ADAMTSL1: variants seen among roughly 807,000 people sequenced by gnomAD.
ADAMTSL1 encodes ADAMTS-like protein 1.
In ADAMTSL1, 126 loss-of-function variants were observed where a neutral mutation model predicts 201.8. The observed-to-expected ratio is 0.62, with a 90% CI of 0.54 to 0.72. The LOEUF (loss-of-function observed/expected upper bound fraction) is 0.72. Ranked by LOEUF, ADAMTSL1 falls within the 30% of genes least tolerant of loss-of-function variation. The pLI is 0.00. For missense variants in ADAMTSL1, 2,679 were observed against 2,277.8 expected (o/e 1.18, Z -3.59); for synonymous variants, 1,121 against 903.4 (o/e 1.24, Z -4.32).
chr9:18,227,065 C>T (rs772781259), intron 2 of ADAMTSL1, among the ~76,000 whole-genome samples: 24 of 152,224 alleles, frequency 1.6e-4, no homozygotes, highest in Middle Eastern at 3.4e-3. Flanking sequence ...ATTTTCATTA[C>T]TGTTATTCTT....
At chr9:18,315,858 G>T (rs375665918) in intron 2 of ADAMTSL1, among the ~76,000 whole-genome samples, 1 of 152,188 alleles carries the variant, frequency 6.6e-6, no homozygotes, top group East Asian at 1.9e-4. Flanking sequence ...GAGCGAGCGA[G>T]GGCTGCTAGC....
At chr9:18,877,336 GTTCC>G (rs1352008104) in intron 23 of ADAMTSL1, among the ~76,000 whole-genome samples, 1 of 152,124 alleles carries the variant, frequency 6.6e-6, no homozygotes, top group Non-Finnish European at 1.5e-5. Context: ...TGTTTTTCTG[GTTCC>G]TTTTCATTTG....
intron 2 of ADAMTSL1, among the ~76,000 whole-genome samples, chr9:18,222,113 A>G (rs1042560661): frequency 1.3e-5 from 2 of 151,782 alleles, no homozygotes; most frequent in Non-Finnish European, 2.9e-5. Flanking sequence ...ATTTTGTTTG[A>G]TTAGTATTTT....
chr9:18,228,929 C>T (rs1479599802), intron 2 of ADAMTSL1, among the ~76,000 whole-genome samples: 2 of 150,738 alleles, frequency 1.3e-5, no homozygotes, highest in Non-Finnish European at 2.9e-5. Flanking sequence ...ATTTCTTTCT[C>T]ACTAAGCTTT....
At chr9:18,644,148 G>A (rs1219526955) in intron 7 of ADAMTSL1, among the ~76,000 whole-genome samples, 1 of 151,630 alleles carries the variant, frequency 6.6e-6, no homozygotes, top group Admixed American at 6.6e-5. Context: ...ACCTGGGATT[G>A]TTTCATTAAT....
intron 1 of ADAMTSL1, among the ~76,000 whole-genome samples, chr9:18,077,956 G>A (rs1354603354): frequency 6.6e-6 from 1 of 152,150 alleles, no homozygotes; most frequent in African/African-American, 2.4e-5. Flanking sequence ...TGGCCTTTCT[G>A]GGGTCTCAAC....
intron 16 of ADAMTSL1, among the ~76,000 whole-genome samples, chr9:18,762,254 T>C (rs1820113392): frequency 6.6e-6 from 1 of 152,066 alleles, no homozygotes; most frequent in Admixed American, 6.6e-5. Context: ...ATAGAAGAGA[T>C]AAGATACCCT....
intron 1 of ADAMTSL1, among the ~76,000 whole-genome samples, chr9:18,039,922 T>C (rs1028490997): frequency 1.3e-5 from 2 of 152,184 alleles, no homozygotes; most frequent in Non-Finnish European, 2.9e-5. Context: ...CAGATAGAAA[T>C]TGGCAGTTTT....
intron 28 of ADAMTSL1, 157 bp downstream of exon 28, chr9:18,907,069 G>A: frequency 1.4e-6 from 1 of 737,532 alleles, no homozygotes; most frequent in Non-Finnish European, 2.2e-6. Flanking sequence ...GGGGTGCATG[G>A]GTGTATGCAG....
rs149800792 is a variant in ADAMTSL1 at position 18,331,289 on chromosome 9, T to G, written c.207+167308T>G. Among the ~76,000 whole-genome samples the G allele has an allele frequency of 6.6e-5, 10 of 152,292 alleles. No homozygotes were observed. The East Asian group carries it at 1.9e-3, about 29-fold the overall frequency. On this transcript the variant is annotated intron_variant, in intron 2 of 29. Coordinates refer to the ADAMTSL1 transcript ENST00000680146. ...GATGCTATGCTGAGGCATTCAGACT[T>G]GAGTCTATAACCAGTGAAGAGCCAT...
At chr9:18,790,374 T>C (rs1180002735) in intron 19 of ADAMTSL1, among the ~76,000 whole-genome samples, 1 of 152,066 alleles carries the variant, frequency 6.6e-6, no homozygotes, top group African/African-American at 2.4e-5. Context: ...GGCATGGAGA[T>C]CAATTTGAGA....
rs139105360 is a variant in ADAMTSL1 at position 18,141,931 on chromosome 9, G to T, written c.88-21931G>T. On this transcript the variant is annotated intron_variant, in intron 1 of 29. Coordinates refer to the ADAMTSL1 transcript ENST00000680146. ...TTCTAAGTCTACATCTTCTCACTGA[G>T]ACACAAGGATAGCAGTACTTCCCAG... Among the ~76,000 whole-genome samples the T allele has an allele frequency of 2.1e-4, 32 of 152,314 alleles. No individual in the cohort carries two copies. In the East Asian group the frequency reaches 5.2e-3, roughly 25 times the overall value.
chr9:18,527,147 A>T (rs78066436), intron 2 of ADAMTSL1, among the ~76,000 whole-genome samples: 1 of 152,320 alleles, frequency 6.6e-6, no homozygotes, highest in Non-Finnish European at 1.5e-5. Flanking sequence ...AAGCAAAAAG[A>T]AAAAAACCAG....
chr9:18,893,485 C>G (rs766127254), intron 26 of ADAMTSL1, among the ~76,000 whole-genome samples: 1 of 152,156 alleles, frequency 6.6e-6, no homozygotes, highest in African/African-American at 2.4e-5. Context: ...CAGGCCAGTA[C>G]GTGTCGAGCT....
intron 5 of ADAMTSL1, 41 bp from the exon 6 acceptor site, chr9:18,635,902 C>A (rs1167860495): frequency 1.9e-6 from 3 of 1,550,440 alleles, no homozygotes; most frequent in South Asian, 2.4e-5. Context: ...AATTTTGTGT[C>A]AAGTGACATG....
chr9:18,349,367 T>C (rs188203012), intron 2 of ADAMTSL1, among the ~76,000 whole-genome samples: 225 of 152,310 alleles, frequency 1.5e-3, no homozygotes, highest in African/African-American at 4.7e-3. Context: ...GGTAGCTGTG[T>C]AGCTCTTAAG....
intron 2 of ADAMTSL1, among the ~76,000 whole-genome samples, chr9:18,314,780 T>C (rs1433648489): frequency 7.8e-6 from 1 of 128,408 alleles, no homozygotes; most frequent in Non-Finnish European, 1.6e-5. Flanking sequence ...TTCGGCAGCG[T>C]GCTTTTTTTT....
At chr9:18,672,622 T>C (rs1257933933) in intron 9 of ADAMTSL1, among the ~76,000 whole-genome samples, 1 of 152,202 alleles carries the variant, frequency 6.6e-6, no homozygotes, top group East Asian at 1.9e-4. Flanking sequence ...TTATGGTCAA[T>C]CATATTGTAC....
In ADAMTSL1 at chr9:18,721,637, T is replaced by C. The variant is rs771977597; in HGVS notation, c.1978T>C (p.Ser660Pro). Reference protein sequence around the residue: ...TSRRPPQLLKSCNLDPCPARW... With the variant: ...TSRRPPQLLKPCNLDPCPARW... ...CCGCCGGCCCCCACAGCTCCTGAAGTCCTGCAATTTGGATCCCTGCCCAGC... is the reference window on the plus strand; with the variant it reads ...CCGCCGGCCCCCACAGCTCCTGAAGCCCTGCAATTTGGATCCCTGCCCAGC... The change falls in exon 15 of 29, where the codon TCC becomes CCC. Residue 660 changes from serine to proline, a missense_variant. Ser to Pro is a moderately conservative substitution (Grantham distance 74). Coordinates refer to ENST00000380548, the MANE Select transcript of ADAMTSL1 (RefSeq NM_001040272.6). The C allele has an allele frequency of 1.9e-6, 3 of 1,613,838 alleles. No individual in the cohort carries two copies. The highest frequency in any genetic ancestry group is 3.3e-5 in the Admixed American group (2 of 59,992).
Sources: gnomAD v4.1 joint callset for allele counts (sites outside exome capture counted in the v4.1 genomes callset) on GRCh38, gnomAD v4.1.1 for gene constraint, MANE v1.5 for transcripts, NCBI Gene and HGNC (gene_info 2026-07-23, HGNC 2026-07-21) for gene names.